The following LCT variants were observed in gnomAD, a reference collection of about 807,000 sequenced individuals.
LCT encodes the protein lactase.
Under a neutral mutation model 173.0 loss-of-function variants are expected in LCT, and 90 were observed. The observed-to-expected ratio is 0.52, with a 90% confidence interval of 0.44 to 0.62. LCT has a LOEUF of 0.62. Ranked by LOEUF, LCT falls within the 20% of genes least tolerant of loss-of-function variation. The pLI is 0.00. For missense variants in LCT, 1,864 were observed against 2,431.4 expected, an observed-to-expected ratio of 0.77 and a Z score of 4.91; for synonymous variants, 853 against 957.6, an observed-to-expected ratio of 0.89 and a Z score of 2.02.
chr2:135,810,425 C>T (rs2077725380), intron 7 of LCT: 2 of 159,468 alleles, frequency 1.3e-5, no homozygotes, highest in African/African-American at 4.8e-5. Flanking sequence ...CCTTTTTCCT[C>T]CTCAGAATGG....
At position 135,789,340 on chromosome 2, in the gene LCT, T is replaced by C. The variant is rs75838824; in HGVS notation, c.5563+231A>G. Among the ~76,000 whole-genome samples, 1,502 of 152,334 alleles carry C rather than the reference T, an allele frequency of 9.9e-3. 20 individuals are homozygous for C. The highest frequency in any genetic ancestry group is 0.032 in the African/African-American group (1,348 of 41,570). The stretch of plus-strand genomic sequence containing the variant: ...GGCTGGAAGAAGAGTCTAGACCTGC[T>C]TATTCCCAGGTCAGGGCTCTGGTTT... On this transcript the variant is annotated intron_variant, in intron 16 of 16. Transcript: ENST00000264162.
rs3816088 is a variant in LCT at position 135,829,668 on chromosome 2, G to A, written c.729C>T (p.Val243=). 12 of 1,610,844 alleles carry A rather than the reference G, an allele frequency of 7.4e-6. No individual in the cohort carries two copies. The highest frequency in any genetic ancestry group is 6.7e-5 in the African/African-American group (5 of 74,756). Residue 243 remains valine (V), a synonymous_variant, in exon 3 of 17, where the codon GTC becomes GTT. Transcript: ENST00000264162. ...PPISALAQDT[V]DFLSLDLSYE... ...AAGACAAATCAAGAGAGAGGAAATC[G>A]ACCGTGTCCTGAAAATAGTAGTTAA... is the stretch of plus-strand genomic sequence containing the variant.
At chr2:135,801,921 T>C (rs531403180) in intron 11 of LCT, among the ~76,000 whole-genome samples, 21 of 152,026 alleles carry the variant, frequency 1.4e-4, no homozygotes, top group African/African-American at 5.1e-4. Context: ...CAGGCTGGAG[T>C]GCAGTGGTGC....
intron 3 of LCT, among the ~76,000 whole-genome samples, chr2:135,825,518 G>A (rs150438176): frequency 6.6e-6 from 1 of 152,210 alleles, no homozygotes; most frequent in Non-Finnish European, 1.5e-5. Context: ...TGGAGAGCTA[G>A]AGGAGCCTCG....
rs529376847 is a variant in LCT at position 135,794,491 on chromosome 2, G to A, written c.5111+150C>T. 2.0e-5 allele frequency: 16 copies of A among 803,812 alleles called. No homozygotes were observed. In the East Asian group the frequency reaches 4.2e-4, roughly 21 times the overall value. 49.8% of individuals were successfully genotyped at this position (803,812 alleles called of 1,614,324 possible). A position where few individuals can be genotyped will look rare whatever the true frequency, so the allele number is the denominator to read the frequency against. Reference sequence around the variant, plus strand: ...TCTTGCTTGCTGGAGATTTCCTTGGGATCTGTGGGGTGGCGAGCATCTTGC... The same window carrying A: ...TCTTGCTTGCTGGAGATTTCCTTGGAATCTGTGGGGTGGCGAGCATCTTGC... On this transcript the variant is annotated intron_variant, in intron 14 of 16. Transcript: ENST00000264162.
In LCT at chr2:135,790,309, A is replaced by G. The variant is rs572463059; in HGVS notation, c.5335+349T>C. Among the ~76,000 whole-genome samples the G allele has an allele frequency of 2.4e-4, 37 of 152,276 alleles. No homozygotes were observed. Among genetic ancestry groups the G allele is most frequent in the Admixed American group, 2.1e-3 (32 of 15,304 alleles). On this transcript the variant is annotated intron_variant, in intron 15 of 16. Transcript: ENST00000264162. This position sits in a 1 kb window ranked among gnomAD's most constrained non-coding sequence, Gnocchi z 4.1. ...AGCCTCAAACTTTTGCTCGGAGACT[A>G]AGAGACCCTACAGGCAACCACACAG...
At chr2:135,830,608 C>T (rs903033646) in intron 2 of LCT, among the ~76,000 whole-genome samples, 8 of 152,186 alleles carry the variant, frequency 5.3e-5, no homozygotes, top group South Asian at 2.1e-4. Flanking sequence ...TCAAGGTCTT[C>T]GCTAAGGTCT....
intron 12 of LCT, among the ~76,000 whole-genome samples, 170 bp downstream of exon 12, chr2:135,800,437 C>T (rs2077615970): frequency 6.6e-6 from 1 of 152,132 alleles, no homozygotes; most frequent in South Asian, 2.1e-4. Context: ...GTTGCCCAGG[C>T]TAGTCTCAAA....
intron 6 of LCT, among the ~76,000 whole-genome samples, chr2:135,816,780 C>CA (rs2077783887): frequency 6.6e-6 from 1 of 152,178 alleles, no homozygotes; most frequent in Non-Finnish European, 1.5e-5. Flanking sequence ...GTCTGAGCCT[C>CA]ACTCATCCAT....
chr2:135,788,280 T>G lies in LCT; in HGVS notation c.*44A>C. 7.0e-7 allele frequency: 1 copy of G among 1,422,702 alleles called. No homozygotes were observed. Among genetic ancestry groups the G allele is most frequent in the Non-Finnish European group, 9.9e-7 (1 of 1,012,088 alleles). The allele number at this position is 1,422,702 out of a possible 1,614,324, so 88.1% of individuals were successfully genotyped here. Reference sequence around the variant, plus strand: ...GTGTTTGGTGGCCGGTAAACATAGATGAAGAAACTAGGCCTGCTTCATAGA... The same window carrying G: ...GTGTTTGGTGGCCGGTAAACATAGAGGAAGAAACTAGGCCTGCTTCATAGA... On this transcript the variant is annotated 3_prime_UTR_variant, in exon 17 of 17. Coordinates refer to ENST00000264162, the MANE Select transcript of LCT (RefSeq NM_002299.4).
chr2:135,824,774 G>A (rs971256835), intron 3 of LCT, among the ~76,000 whole-genome samples: 9 of 152,134 alleles, frequency 5.9e-5, no homozygotes, highest in South Asian at 4.1e-4. Context: ...AAGTTGAGGC[G>A]GGCGGATCAC....
At position 135,826,296 on chromosome 2, in the gene LCT, G is replaced by A. The variant is rs190705869; in HGVS notation, c.805-2293C>T. Among the ~76,000 whole-genome samples the A allele has an allele frequency of 4.1e-4, 62 of 151,608 alleles. 1 individual carries two copies. The East Asian group carries it at 1.0e-2, about 24-fold the overall frequency. ...TAGCCAGGTGCAGTGGCTCATGCCT[G>A]TAATCTCAGCACTTTAGGAGGTCGA... On this transcript the variant is annotated intron_variant, in intron 3 of 16. Coordinates refer to ENST00000264162, the MANE Select transcript of LCT (RefSeq NM_002299.4).
At chr2:135,806,726 T>A (rs1468283614) in intron 9 of LCT, among the ~76,000 whole-genome samples, 1 of 152,254 alleles carries the variant, frequency 6.6e-6, no homozygotes, top group Non-Finnish European at 1.5e-5. Flanking sequence ...AGGTGTGTAG[T>A]AAGCTACACT....
intron 8 of LCT, 134 bp downstream of exon 8, chr2:135,808,309 A>T: frequency 3.6e-6 from 3 of 837,272 alleles, no homozygotes; most frequent in South Asian, 1.3e-5. Context: ...CCCCAAACAG[A>T]TAAAGAATTA....
intron 1 of LCT, among the ~76,000 whole-genome samples, chr2:135,835,117 T>A (rs1235082661): frequency 6.6e-6 from 1 of 151,776 alleles, no homozygotes; most frequent in African/African-American, 2.4e-5. Context: ...GGAATGTCAT[T>A]GCAACATAAC....
At chr2:135,804,676 C>A (rs2077653997) in intron 10 of LCT, 91 bp downstream of exon 10, 2 of 1,232,928 alleles carry the variant, frequency 1.6e-6, no homozygotes, top group East Asian at 2.3e-5. Flanking sequence ...AATTTGAAAC[C>A]AGCATTTTGT....
At chr2:135,836,399 C>T (rs916320083) in intron 1 of LCT, 131 bp downstream of exon 1, 2 of 841,358 alleles carry the variant, frequency 2.4e-6, no homozygotes, top group East Asian at 2.4e-5. Flanking sequence ...ATATTAATTT[C>T]TCCCTATGCA....
chr2:135,823,543 G>C (rs757955839), intron 4 of LCT, among the ~76,000 whole-genome samples: 1 of 152,156 alleles, frequency 6.6e-6, no homozygotes, highest in East Asian at 1.9e-4. Flanking sequence ...GGAGAGAGAC[G>C]GGCAGAGGAA....
At chr2:135,833,672 T>G (rs2077959573) in intron 1 of LCT, among the ~76,000 whole-genome samples, 1 of 151,380 alleles carries the variant, frequency 6.6e-6, no homozygotes, top group Non-Finnish European at 1.5e-5. Context: ...GGTCTCGATC[T>G]CCTGACCTCA....
Sources: allele counts gnomAD v4.1 joint callset (sites outside exome capture counted in the v4.1 genomes callset), GRCh38; gene constraint gnomAD v4.1.1; non-coding constraint Gnocchi (gnomAD v3.1); transcripts MANE v1.5; gene names NCBI Gene and HGNC (gene_info 2026-07-23, HGNC 2026-07-21).